The following CERK variants were observed in gnomAD, a reference collection of about 807,000 sequenced individuals.
CERK encodes the protein acylsphingosine kinase.
CERK carries 39 observed loss-of-function variants against 63.4 expected under a neutral mutation model. The observed-to-expected ratio is 0.61, with a 90% CI of 0.48 to 0.80. The LOEUF (loss-of-function observed/expected upper bound fraction) is 0.80, where lower values mean the gene tolerates loss of function less well. CERK is among the 30% of genes least tolerant of loss of function. CERK has a pLI of 0.00. For synonymous variants in CERK, 302 were observed against 280.0 expected, an observed-to-expected ratio of 1.08 and a Z score of -0.78; for missense variants, 670 against 714.1, an observed-to-expected ratio of 0.94 and a Z score of 0.70.
At chr22:46,694,977 T>TC (rs1184626739) in intron 9 of CERK, among the ~76,000 whole-genome samples, 1 of 151,948 alleles carries the variant, frequency 6.6e-6, no homozygotes, top group Non-Finnish European at 1.5e-5. Context: ...TCCCCCAGAG[T>TC]CCTCATCCCT....
At chr22:46,727,653 C>T (rs1271871165) in intron 1 of CERK, among the ~76,000 whole-genome samples, 1 of 152,126 alleles carries the variant, frequency 6.6e-6, no homozygotes, top group Admixed American at 6.5e-5. Context: ...GGAACCCACC[C>T]CAGAAATCCT....
intron 5 of CERK, among the ~76,000 whole-genome samples, chr22:46,710,576 G>T (rs547594007): frequency 2.6e-5 from 4 of 152,242 alleles, no homozygotes; most frequent in African/African-American, 7.2e-5. Flanking sequence ...TGTATGCAGA[G>T]AGATTTATGT....
chr22:46,712,266 A>C lies in CERK; in HGVS notation c.407T>G (p.Phe136Cys), dbSNP rs141644026. ...TCCTTTTCCTCCAAACGGGTTGATA[A>C]ATACCAGTAAATGCTTTGGTCTGGA... ...LTSRPKHLLV[F>C]INPFGGKGQG... Residue 136 changes from phenylalanine (F) to cysteine (C), a missense_variant, in exon 4 of 13, where the codon TTT becomes TGT. Phe to Cys is a radical substitution (Grantham distance 205, BLOSUM62 -2). Coordinates refer to ENST00000216264, the MANE Select transcript of CERK (RefSeq NM_022766.6). 1 of 1,613,940 alleles carries C rather than the reference A, an allele frequency of 6.2e-7. No homozygotes were observed. Among genetic ancestry groups the C allele is most frequent in the African/African-American group, 1.3e-5 (1 of 74,912 alleles).
intron 3 of CERK, among the ~76,000 whole-genome samples, chr22:46,716,117 G>A (rs2082864885): frequency 6.6e-6 from 1 of 152,066 alleles, no homozygotes; most frequent in South Asian, 2.1e-4. Flanking sequence ...TTGAGCTCAG[G>A]AGTTCAAAGC....
At chr22:46,713,994 G>T (rs940856648) in intron 3 of CERK, among the ~76,000 whole-genome samples, 3 of 152,204 alleles carry the variant, frequency 2.0e-5, no homozygotes, top group South Asian at 2.1e-4. Context: ...ATCAGGCCAG[G>T]CTCAGTGGCT....
intron 1 of CERK, 28 bp downstream of exon 1, chr22:46,737,979 G>A: frequency 8.6e-7 from 1 of 1,164,206 alleles, no homozygotes; most frequent in Non-Finnish European, 1.1e-6. Context: ...GCCAGGTCCG[G>A]CCGAACCCGG....
chr22:46,710,998 T>G, intron 5 of CERK, 88 bp downstream of exon 5: 1 of 1,056,072 alleles, frequency 9.5e-7, no homozygotes, highest in Non-Finnish European at 1.5e-6. Context: ...GGGGGCGGAT[T>G]TAGGAAAAGG....
intron 1 of CERK, among the ~76,000 whole-genome samples, chr22:46,731,354 C>G (rs992458102): frequency 6.6e-6 from 1 of 152,226 alleles, no homozygotes; most frequent in Non-Finnish European, 1.5e-5. Flanking sequence ...CTCCACCCCC[C>G]GCCAAGGTGG....
intron 4 of CERK, among the ~76,000 whole-genome samples, chr22:46,711,677 T>C (rs559519708): frequency 6.6e-6 from 1 of 152,354 alleles, no homozygotes; most frequent in African/African-American, 2.4e-5. Context: ...CTAGTGTTTT[T>C]CTTGATTGCC....
Position 46,687,261 on chromosome 22 carries a change from C to T in CERK, c.1542-55G>A, listed in dbSNP as rs1436540237. On this transcript the variant is annotated intron_variant, in intron 12 of 12. Transcript: ENST00000216264. ...CCACGTGTCCCTCACTCAAAGCTGG[C>T]CTGAGCCCCACTCCTGGACAGGGGC... The T allele has an allele frequency of 2.8e-6, 4 of 1,441,078 alleles. No individual in the cohort carries two copies. The Middle Eastern group carries it at 5.3e-4, about 191-fold the overall frequency. The allele number at this position is 1,441,078 out of a possible 1,614,324, so 89.3% of individuals were successfully genotyped here. A position where few individuals can be genotyped will look rare whatever the true frequency, so the allele number is the denominator to read the frequency against.
intron 6 of CERK, among the ~76,000 whole-genome samples, chr22:46,704,086 C>T (rs1255148845): frequency 6.6e-6 from 1 of 152,236 alleles, no homozygotes; most frequent in African/African-American, 2.4e-5. Context: ...GCTTTTATGC[C>T]CACATTTGGT....
At chr22:46,718,338 A>T (rs1035959432) in intron 3 of CERK, among the ~76,000 whole-genome samples, 1 of 152,072 alleles carries the variant, frequency 6.6e-6, no homozygotes, top group Non-Finnish European at 1.5e-5. Context: ...AACAGGTTTG[A>T]TGGGAGGAAA....
intron 10 of CERK, 51 bp downstream of exon 10, chr22:46,693,376 C>T (rs370869919): frequency 8.0e-6 from 12 of 1,500,352 alleles, no homozygotes; most frequent in South Asian, 1.1e-5. Flanking sequence ...GACAGAAACC[C>T]GCACTCCAGC....
intron 9 of CERK, among the ~76,000 whole-genome samples, chr22:46,694,723 A>C (rs1239968692): frequency 6.6e-6 from 1 of 152,168 alleles, no homozygotes; most frequent in Non-Finnish European, 1.5e-5. Flanking sequence ...GCATGGGGCT[A>C]ACATGGGTGA....
rs2082692943 is a variant in CERK, at chr22:46,685,076, T to TC, written c.*2057_*2058insG. 6.8e-6 allele frequency: 1 copy of TC among 148,032 alleles called. No homozygotes were observed. The highest frequency in any genetic ancestry group is 1.5e-5 in the Non-Finnish European group (1 of 66,798). The allele number at this position is 148,032 out of a possible 1,614,324, so 9.2% of individuals were successfully genotyped here. A position where few individuals can be genotyped will look rare whatever the true frequency, so the allele number is the denominator to read the frequency against. The stretch of plus-strand genomic sequence containing the variant: ...GTGTATGGGAAACTTTTTTTTTTGT[T>TC]GGGGGGGGCGATGGAGTCTCCCTCT... On this transcript the variant is annotated 3_prime_UTR_variant, in exon 13 of 13. Coordinates refer to ENST00000216264, the MANE Select transcript of CERK (RefSeq NM_022766.6).
At position 46,725,383 on chromosome 22, in the gene CERK, C is replaced by T. The variant is rs78062935; in HGVS notation, c.143-4368G>A. Among the ~76,000 whole-genome samples the T allele has an allele frequency of 1.2e-3, 183 of 152,208 alleles. 2 individuals carry two copies. In the East Asian group the frequency reaches 0.031, roughly 26 times the overall value. On this transcript the variant is annotated intron_variant, in intron 1 of 12. Coordinates refer to ENST00000216264, the MANE Select transcript of CERK (RefSeq NM_022766.6). ...GTCATGTGGACGGCAGTGGGACCAC[C>T]GAGGGCTGGCACACAGAAGAATGCG...
At chr22:46,688,773 ACG>A (rs2082715828) in intron 12 of CERK, among the ~76,000 whole-genome samples, 1 of 152,240 alleles carries the variant, frequency 6.6e-6, no homozygotes, top group Non-Finnish European at 1.5e-5. Context: ...TATCGCTCTC[ACG>A]CCAGCCACAC....
chr22:46,725,780 G>A (rs566266818), intron 1 of CERK, among the ~76,000 whole-genome samples: 6 of 152,304 alleles, frequency 3.9e-5, no homozygotes, highest in African/African-American at 7.2e-5. Flanking sequence ...GTTCTCGTGC[G>A]GCTCACGCGT....
intron 1 of CERK, among the ~76,000 whole-genome samples, chr22:46,736,867 C>T (rs2082976499): frequency 1.3e-5 from 2 of 152,286 alleles, no homozygotes; most frequent in South Asian, 4.2e-4. Flanking sequence ...CCTCGACTGC[C>T]CACAGGGTCT....
Sources: gnomAD v4.1 joint callset for allele counts (sites outside exome capture counted in the v4.1 genomes callset) on GRCh38, gnomAD v4.1.1 for gene constraint, MANE v1.5 for transcripts, NCBI Gene and HGNC (gene_info 2026-07-23, HGNC 2026-07-21) for gene names.